The following COL17A1 variants were observed in gnomAD, a reference collection of about 807,000 sequenced individuals.
COL17A1 encodes collagen type XVII alpha 1 chain, also known as collagen alpha-1(XVII) chain.
COL17A1 carries 181 observed loss-of-function variants against 218.4 expected under a neutral mutation model. That is an observed-to-expected ratio of 0.83 (90% CI 0.73 to 0.94). COL17A1 has a LOEUF of 0.94. COL17A1 is among the 40% of genes least tolerant of loss of function. COL17A1 has a pLI of 0.00. For missense variants in COL17A1, 1,924 were observed against 1,945.9 expected, an observed-to-expected ratio of 0.99 and a Z score of 0.21; for synonymous variants, 721 against 731.0, an observed-to-expected ratio of 0.99 and a Z score of 0.22.
intron 28 of COL17A1, 146 bp downstream of exon 28, chr10:104,049,943 T>C: frequency 1.6e-6 from 2 of 1,290,150 alleles, no homozygotes; most frequent in Non-Finnish European, 2.2e-6. Context: ...CTTTATTTTC[T>C]CATCTTGTGT....
chr10:104,061,155 A>G (rs1302017485), intron 13 of COL17A1, among the ~76,000 whole-genome samples: 1 of 152,184 alleles, frequency 6.6e-6, no homozygotes, highest in East Asian at 1.9e-4. Context: ...GGCCCTAGGC[A>G]GGTATGGAGG....
At chr10:104,036,729 C>G (rs2086303562) in intron 47 of COL17A1, 97 bp from the exon 48 acceptor site, 1 of 1,448,848 alleles carries the variant, frequency 6.9e-7, no homozygotes. Context: ...CAAACTGGCT[C>G]CTGCGTGACA....
chr10:104,061,534 T>C (rs1172731099), intron 12 of COL17A1, 61 bp from the exon 13 acceptor site: 5 of 1,487,968 alleles, frequency 3.4e-6, no homozygotes, highest in Non-Finnish European at 4.6e-6. Flanking sequence ...AGGAGAAGCC[T>C]GATCAGCCCT....
chr10:104,071,243 G>A (rs1015639402), intron 8 of COL17A1, among the ~76,000 whole-genome samples: 3 of 152,054 alleles, frequency 2.0e-5, no homozygotes, highest in African/African-American at 7.2e-5. Flanking sequence ...TATGCTGAAG[G>A]AACTCTCAAC....
At chr10:104,065,353 C>T (rs915228574) in intron 9 of COL17A1, among the ~76,000 whole-genome samples, 1 of 152,062 alleles carries the variant, frequency 6.6e-6, no homozygotes, top group African/African-American at 2.4e-5. Context: ...CTAGCTTTTT[C>T]CCTCACCTCC....
At chr10:104,052,038 A>C in intron 24 of COL17A1, 117 bp downstream of exon 24, 1 of 1,386,184 alleles carries the variant, frequency 7.2e-7, no homozygotes, top group Non-Finnish European at 1.0e-6. Flanking sequence ...ACCCCTGCAC[A>C]GGCCTGGGGC....
rs554672355 is a variant in COL17A1, at chr10:104,032,097, CAA to C, written c.*136_*137del. The C allele has an allele frequency of 1.9e-4, 132 of 711,600 alleles. No individual in the cohort carries two copies. The Middle Eastern group carries it at 2.4e-3, about 13-fold the overall frequency. The allele number at this position is 711,600 out of a possible 1,614,324, so 44.1% of individuals were successfully genotyped here. On this transcript the variant is annotated 3_prime_UTR_variant, in exon 56 of 56. Coordinates refer to ENST00000648076, the MANE Select transcript of COL17A1 (RefSeq NM_000494.4). ...TAAGTATATATTGTTCAGACTAAAACAAATGTTGCTAGCTAGGTTGGCTGTGC... is the reference window on the plus strand; with the variant it reads ...TAAGTATATATTGTTCAGACTAAAACATGTTGCTAGCTAGGTTGGCTGTGC...
chr10:104,056,049 C>T (rs375326961), intron 17 of COL17A1, 46 bp from the exon 18 acceptor site: 38 of 1,607,802 alleles, frequency 2.4e-5, no homozygotes, highest in South Asian at 1.1e-4. Context: ...CCCGGTCCTT[C>T]GCCTTCCATA....
rs805699 is a variant in COL17A1, at chr10:104,057,285, C to T, written c.1268-113G>A. 1,516,166 of 1,555,568 alleles carry T rather than the reference C, an allele frequency of 0.97. 741,295 individuals carry two copies. Among genetic ancestry groups the T allele is most frequent in the Non-Finnish European group, 1 (1,135,440 of 1,138,708 alleles). On this transcript the variant is annotated intron_variant, in intron 16 of 55. Coordinates refer to ENST00000648076, the MANE Select transcript of COL17A1 (RefSeq NM_000494.4). Reference sequence around the variant, plus strand: ...CTGAGTGACTACGACTGGGGGCTTTCAAGTTCCTGTGCTGTTCCACCCAGG... The same window carrying T: ...CTGAGTGACTACGACTGGGGGCTTTTAAGTTCCTGTGCTGTTCCACCCAGG...
chr10:104,042,407 G>A lies in COL17A1; in HGVS notation c.2551+13C>T. 6.2e-7 allele frequency: 1 copy of A among 1,614,170 alleles called. No individual in the cohort carries two copies. The highest frequency in any genetic ancestry group is 8.5e-7 in the Non-Finnish European group (1 of 1,180,002). On this transcript the variant is annotated intron_variant, in intron 36 of 55. Coordinates refer to ENST00000648076, the MANE Select transcript of COL17A1 (RefSeq NM_000494.4). ...GGGCCCATCGCTTTGCATTCTTGCA[G>A]GGTGTGACATACCTTGATGTCCTGG...
rs1025109578 is a variant in COL17A1, at chr10:104,051,360, A to G, written c.2038+121T>C. The G allele has an allele frequency of 7.7e-6, 10 of 1,291,632 alleles. No individual in the cohort carries two copies. In the East Asian group the frequency reaches 2.2e-4, roughly 28 times the overall value. The allele number at this position is 1,291,632 out of a possible 1,614,324, so 80.0% of individuals were successfully genotyped here. A position where few individuals can be genotyped will look rare whatever the true frequency, so the allele number is the denominator to read the frequency against. On this transcript the variant is annotated intron_variant, in intron 25 of 55. Transcript: ENST00000648076. Reference sequence around the variant, plus strand: ...AGACACACATGCAGACTTGAATTCTATATCTCTAGGAGGCTTGCTTTATAA... The same window carrying G: ...AGACACACATGCAGACTTGAATTCTGTATCTCTAGGAGGCTTGCTTTATAA...
chr10:104,033,920 C>T, intron 52 of COL17A1, 25 bp downstream of exon 52: 1 of 1,614,112 alleles, frequency 6.2e-7, no homozygotes, highest in Non-Finnish European at 8.5e-7. Context: ...CCCCCCAGCA[C>T]CAAGGCCTAA....
rs2086265682 is a variant in COL17A1, at chr10:104,035,274, G to A, written c.3608C>T (p.Ser1203Phe). 1.2e-6 allele frequency: 2 copies of A among 1,613,674 alleles called. No homozygotes were observed. Among genetic ancestry groups the A allele is most frequent in the Non-Finnish European group, 1.7e-6 (2 of 1,179,846 alleles). ...CCACAGTGCCCTACTATGTAAGTAA[G>A]ACGAGAGGTCCTCCACGCTGATGCT... ...WSSISVEDLS[S>F]YLHTAGLSFI... The change falls in exon 50 of 56, where the codon TCT becomes TTT. Residue 1203 changes from serine (S) to phenylalanine (F), a missense_variant. Coordinates refer to ENST00000648076, the MANE Select transcript of COL17A1 (RefSeq NM_000494.4).
intron 7 of COL17A1, among the ~76,000 whole-genome samples, chr10:104,072,712 G>A (rs998081758): frequency 2.6e-4 from 39 of 152,156 alleles, no homozygotes; most frequent in African/African-American, 8.2e-4. Flanking sequence ...CCAAAGCTTA[G>A]CAAGGGCTGC....
chr10:104,039,473 A>T lies in COL17A1; in HGVS notation c.2868T>A (p.Pro956=), dbSNP rs61731077. Residue 956 remains proline, a synonymous_variant, in exon 43 of 56, where the codon CCT becomes CCA. Transcript: ENST00000648076. ...TGTCACCTTTGGGTCCCTGGGGGCC[A>T]GGTGGGCCTGGTGGTCCCTGAAGGT... ...GLNLQGPPGP[P]GPQGPKGDKG... is the part of the protein sequence containing the mutation. The T allele has an allele frequency of 1.9e-3, 3,037 of 1,614,076 alleles. 46 individuals are homozygous for T. In the African/African-American group the frequency reaches 0.035, roughly 18 times the overall value.
intron 34 of COL17A1, 119 bp downstream of exon 34, chr10:104,043,706 T>C (rs1589561337): frequency 6.6e-7 from 1 of 1,511,460 alleles, no homozygotes; most frequent in East Asian, 2.3e-5. Context: ...ATTTCCCTCC[T>C]CCCCCGCTAC....
In COL17A1 at chr10:104,050,747, A is replaced by G. The variant is rs2086461255; in HGVS notation, c.2093-91T>C. 7 of 1,613,952 alleles carry G rather than the reference A, an allele frequency of 4.3e-6. No homozygotes were observed. The South Asian group carries it at 5.5e-5, about 13-fold the overall frequency. ...CTGTCTCTGAAGACAGGCTCCCTCA[A>G]TCCTGACTTCTTCTTCCCCTCTTGC... On this transcript the variant is annotated intron_variant, in intron 26 of 55. Transcript: ENST00000648076.
At chr10:104,044,203 G>T (rs1021457358) in intron 33 of COL17A1, among the ~76,000 whole-genome samples, 6 of 152,218 alleles carry the variant, frequency 3.9e-5, no homozygotes, top group Non-Finnish European at 8.8e-5. Flanking sequence ...CCTTAGGTGG[G>T]AAAATTACTC....
intron 31 of COL17A1, among the ~76,000 whole-genome samples, chr10:104,047,117 T>C (rs887970471): frequency 6.6e-6 from 1 of 152,190 alleles, no homozygotes; most frequent in Non-Finnish European, 1.5e-5. Flanking sequence ...ATGGCTCCTG[T>C]CTGGGCACCC....
Sources: gnomAD v4.1 joint callset for allele counts (sites outside exome capture counted in the v4.1 genomes callset) on GRCh38, gnomAD v4.1.1 for gene constraint, MANE v1.5 for transcripts, NCBI Gene and HGNC (gene_info 2026-07-23, HGNC 2026-07-21) for gene names.